CHD1: variants seen among roughly 807,000 people sequenced by gnomAD.
The protein encoded by CHD1 is ATP-dependent chromatin remodeler CHD1.
A neutral mutation model predicts 224.2 loss-of-function variants in CHD1; 36 were observed. The ratio of observed to expected loss-of-function variants is 0.16; its 90% confidence interval spans 0.12 to 0.21. The LOEUF (loss-of-function observed/expected upper bound fraction) is 0.21, where lower values mean the gene tolerates loss of function less well. Ranked by LOEUF, CHD1 falls within the 10% of genes least tolerant of loss-of-function variation. The pLI is 1.00. For synonymous variants in CHD1, 668 were observed against 658.3 expected (o/e 1.01, Z -0.23); for missense variants, 1,378 against 1,994.8 (o/e 0.69, Z 5.89).
At chr5:98,907,572 G>A (rs1389259844) in intron 2 of CHD1, among the ~76,000 whole-genome samples, 4 of 101,342 alleles carry the variant, frequency 3.9e-5, no homozygotes, top group African/African-American at 1.7e-4. Flanking sequence ...TGGGCAACAA[G>A]AGCAAAACTC....
Position 98,928,636 on chromosome 5 carries a change from T to G in CHD1, c.-246A>C, listed in dbSNP as rs1753666448. The G allele has an allele frequency of 6.6e-6, 1 of 151,684 alleles. No homozygotes were observed. Among genetic ancestry groups the G allele is most frequent in the East Asian group, 2.0e-4 (1 of 5,114 alleles). 9.4% of individuals were successfully genotyped at this position (151,684 alleles called of 1,614,324 possible). ...GCCGCCCAGTCCTAGGGCTCCGGCG[T>G]CTCGGGGTAAGCAAGAGTCCGTGCG... On this transcript the variant is annotated 5_prime_UTR_variant, in exon 1 of 36. Transcript: ENST00000614616.
In CHD1 at chr5:98,883,087, C is replaced by T; in HGVS notation, c.2718+1G>A. 7.0e-7 allele frequency: 1 copy of T among 1,437,460 alleles called. No individual in the cohort carries two copies. The allele number at this position is 1,437,460 out of a possible 1,614,324, so 89.0% of individuals were successfully genotyped here. On this transcript the variant is annotated splice_donor_variant, in intron 19 of 35. Coordinates refer to ENST00000614616, the MANE Select transcript of CHD1 (RefSeq NM_001270.4). LOFTEE classifies it high-confidence loss of function. The stretch of plus-strand genomic sequence containing the variant: ...ATAATATAAATTAAAATTAAAAATA[C>T]CTGTTTCTTTTGCCCAATTCGATGG...
At chr5:98,872,001 T>A in intron 28 of CHD1, 50 bp downstream of exon 28, 1 of 1,444,980 alleles carries the variant, frequency 6.9e-7, no homozygotes, top group Non-Finnish European at 9.3e-7. Flanking sequence ...AGAATTAGAA[T>A]AAATTAAATT....
chr5:98,924,075 G>A (rs1439827961), intron 2 of CHD1, among the ~76,000 whole-genome samples: 1 of 152,136 alleles, frequency 6.6e-6, no homozygotes, highest in East Asian at 1.9e-4. Flanking sequence ...AGGCAATATG[G>A]TGAGACCTCA....
intron 33 of CHD1, 137 bp from the exon 34 acceptor site, chr5:98,859,152 T>C: frequency 1.8e-6 from 1 of 561,724 alleles, no homozygotes; most frequent in Non-Finnish European, 3.1e-6. Flanking sequence ...TATATATACA[T>C]GTATGACATT....
At chr5:98,866,554 CCT>C (rs1376925708) in intron 31 of CHD1, among the ~76,000 whole-genome samples, 2 of 152,064 alleles carry the variant, frequency 1.3e-5, no homozygotes, top group East Asian at 1.9e-4. Context: ...TGAAATTTTC[CCT>C]CTTTGAAGTA....
At chr5:98,878,211 A>G (rs953510070) in intron 23 of CHD1, among the ~76,000 whole-genome samples, 1 of 152,248 alleles carries the variant, frequency 6.6e-6, no homozygotes, top group Middle Eastern at 3.2e-3. Context: ...GAGAAGGAAG[A>G]CTGGAGAAAA....
At position 98,914,036 on chromosome 5, in the gene CHD1, T is replaced by C. The variant is rs902514501; in HGVS notation, c.54-8938A>G. ...AAAACAACCATCCCCCCAGTTTAGG[T>C]TGACACATGCCCACCCAGCTAAAGA... On this transcript the variant is annotated intron_variant, in intron 2 of 35. Coordinates refer to ENST00000614616, the MANE Select transcript of CHD1 (RefSeq NM_001270.4). Among the ~76,000 whole-genome samples, 3 of 152,202 alleles carry C rather than the reference T, an allele frequency of 2.0e-5. No homozygotes were observed. The East Asian group carries it at 5.8e-4, about 29-fold the overall frequency.
intron 18 of CHD1, chr5:98,883,779 G>T: frequency 6.0e-6 from 1 of 165,694 alleles, no homozygotes. Context: ...CCATAAAGAA[G>T]AATGAAATAA....
At position 98,869,607 on chromosome 5, in the gene CHD1, T is replaced by C. The variant is rs544704962; in HGVS notation, c.4107+147A>G. The C allele has an allele frequency of 8.8e-3, 6,552 of 742,954 alleles. 38 individuals carry two copies. The highest frequency in any genetic ancestry group is 0.011 in the Non-Finnish European group (5,318 of 470,872). 46.0% of individuals were successfully genotyped at this position (742,954 alleles called of 1,614,324 possible). A position where few individuals can be genotyped will look rare whatever the true frequency, so the allele number is the denominator to read the frequency against. The stretch of plus-strand genomic sequence containing the variant: ...GAGACTGTTATGAACTATAAGTGCG[T>C]GCGCACGTGCGCGCGCACACACACA... On this transcript the variant is annotated intron_variant, in intron 30 of 35. Coordinates refer to ENST00000614616, the MANE Select transcript of CHD1 (RefSeq NM_001270.4).
At chr5:98,858,906 CAAA>C in intron 34 of CHD1, 55 bp downstream of exon 34, 1 of 1,234,840 alleles carries the variant, frequency 8.1e-7, no homozygotes, top group Non-Finnish European at 1.1e-6. Context: ...TTATTTAAAA[CAAA>C]AATTTAAAAA....
chr5:98,869,655 C>T, intron 30 of CHD1, 99 bp downstream of exon 30: 2 of 1,257,132 alleles, frequency 1.6e-6, no homozygotes, highest in Non-Finnish European at 2.3e-6. Context: ...CACACACAGA[C>T]TTCGGTACCT....
chr5:98,858,993 T>C lies in CHD1; in HGVS notation c.4547A>G (p.Asn1516Ser). Reference sequence around the variant, plus strand: ...ATTTCTAATCACGTGAGGATTCAAGTTGCTGTTTTGATCACTGTTTTGCTA... The same window carrying C: ...ATTTCTAATCACGTGAGGATTCAAGCTGCTGTTTTGATCACTGTTTTGCTA... ...ESQQNSDQNS[N>S]LNPHVIRNPD... Residue 1516 changes from asparagine to serine, a missense_variant, in exon 34 of 36, where the codon AAC becomes AGC. Around this residue, in one of 16 missense-constraint regions of CHD1, gnomAD observed 278 missense variants for 298.5 expected, o/e 0.93. Transcript: ENST00000614616. 1 of 1,569,182 alleles carries C rather than the reference T, an allele frequency of 6.4e-7. No homozygotes were observed.
At chr5:98,900,107 C>T (rs1281000957) in intron 7 of CHD1, among the ~76,000 whole-genome samples, 1 of 151,700 alleles carries the variant, frequency 6.6e-6, no homozygotes, top group African/African-American at 2.4e-5. Flanking sequence ...ACGGTGAAAC[C>T]CCATCTCTGC....
At chr5:98,903,427 T>C (rs1561531607) in intron 4 of CHD1, among the ~76,000 whole-genome samples, 3 of 151,174 alleles carry the variant, frequency 2.0e-5, no homozygotes, top group African/African-American at 7.4e-5. Flanking sequence ...ATGTTGAGAT[T>C]TCTGTTATTA....
At position 98,894,582 on chromosome 5, in the gene CHD1, G is replaced by A; in HGVS notation, c.1800+15C>T. The stretch of plus-strand genomic sequence containing the variant: ...ATATACAAGAGACCAAAACACGTGA[G>A]AAATAAATACATACCTTATCTTTTA... On this transcript the variant is annotated intron_variant, in intron 13 of 35. Transcript: ENST00000614616. 9.4e-7 allele frequency: 1 copy of A among 1,067,898 alleles called. No homozygotes were observed. The highest frequency in any genetic ancestry group is 1.4e-6 in the Non-Finnish European group (1 of 735,744). 66.2% of individuals were successfully genotyped at this position (1,067,898 alleles called of 1,614,324 possible). A position where few individuals can be genotyped will look rare whatever the true frequency, so the allele number is the denominator to read the frequency against.
At chr5:98,893,367 C>A (rs1276017372) in intron 14 of CHD1, 49 bp downstream of exon 14, 14 of 1,299,750 alleles carry the variant, frequency 1.1e-5, no homozygotes, top group Non-Finnish European at 1.5e-5. Flanking sequence ...TTTATTCCCA[C>A]TAAACATAAT....
intron 25 of CHD1, among the ~76,000 whole-genome samples, chr5:98,874,334 C>CA (rs1478591749): frequency 6.6e-6 from 1 of 151,448 alleles, no homozygotes; most frequent in Non-Finnish European, 1.5e-5. Context: ...CTGATAACTT[C>CA]AAAAAAACTA....
chr5:98,928,688 AGGG>A lies in CHD1; in HGVS notation c.-301_-299del, dbSNP rs1349370452. On this transcript the variant is annotated 5_prime_UTR_variant, in exon 1 of 36. Transcript: ENST00000614616. Reference sequence around the variant, plus strand: ...GGGAGGGGGAAGGGGACAGACGCGGAGGGGAAGGGGAAGCCCCGGTCCGCAGCA... The same window carrying A: ...GGGAGGGGGAAGGGGACAGACGCGGAGAAGGGGAAGCCCCGGTCCGCAGCA... 3 of 152,876 alleles carry A rather than the reference AGGG, an allele frequency of 2.0e-5. No homozygotes were observed. The highest frequency in any genetic ancestry group is 2.9e-5 in the Non-Finnish European group (2 of 68,570). The allele number at this position is 152,876 out of a possible 1,614,324, so 9.5% of individuals were successfully genotyped here.
Sources: gnomAD v4.1 joint callset for allele counts (sites outside exome capture counted in the v4.1 genomes callset) on GRCh38, gnomAD v4.1.1 for gene constraint, gnomAD v4.1.1 regional missense constraint, MANE v1.5 for transcripts, NCBI Gene and HGNC (gene_info 2026-07-23, HGNC 2026-07-21) for gene names.